FEM1B: variants seen among roughly 807,000 people sequenced by gnomAD.
The protein encoded by FEM1B is fem-1 homolog B.
In FEM1B, 10 loss-of-function variants were observed where a neutral mutation model predicts 38.6. That is an observed-to-expected ratio of 0.26 (90% confidence interval 0.16 to 0.44). The LOEUF (loss-of-function observed/expected upper bound fraction) is 0.44, where lower values mean the gene tolerates loss of function less well. Ranked by LOEUF, FEM1B falls within the 20% of genes least tolerant of loss-of-function variation. FEM1B has a pLI of 1.00. For missense variants in FEM1B, 471 were observed against 786.7 expected, an observed-to-expected ratio of 0.60 and a Z score of 4.80; for synonymous variants, 288 against 288.0, an observed-to-expected ratio of 1.00 and a Z score of 0.00.
At chr15:68,287,039 C>T (rs1029752145) in intron 1 of FEM1B, among the ~76,000 whole-genome samples, 15 of 152,154 alleles carry the variant, frequency 9.9e-5, no homozygotes, top group Admixed American at 2.0e-4. Flanking sequence ...AAGCATGTGC[C>T]ACCACCACTC....
rs555227182 is a variant in FEM1B at position 68,289,013 on chromosome 15, CTTCTT to C, written c.249-589_249-585del. ...TATAATATGTGCTGTGTTCATCTGA[CTTCTT>C]TTCTCAGCATCAGGTTTATGTTATC... On this transcript the variant is annotated intron_variant, in intron 1 of 1. Transcript: ENST00000306917. This position sits in a 1 kb window ranked among gnomAD's most constrained non-coding sequence, Gnocchi z 6.9. Among the ~76,000 whole-genome samples the C allele has an allele frequency of 2.6e-4, 39 of 152,166 alleles. No individual in the cohort carries two copies. Among genetic ancestry groups the C allele is most frequent in the Non-Finnish European group, 4.8e-4 (33 of 68,044 alleles).
chr15:68,279,371 G>T (rs941968013), intron 1 of FEM1B, among the ~76,000 whole-genome samples: 2 of 152,172 alleles, frequency 1.3e-5, no homozygotes, highest in African/African-American at 4.8e-5. Flanking sequence ...AGTTGAGGTG[G>T]GAAGTTTAAA....
In FEM1B at chr15:68,291,192, T is replaced by C. The variant is rs939966174; in HGVS notation, c.1834T>C (p.Tyr612His). Residue 612 changes from tyrosine (Y) to histidine (H), a missense_variant, in exon 2 of 2, where the codon TAC (tyrosine) becomes CAC (histidine). Physicochemically the swap from Tyr to His is moderately conservative, Grantham distance 83. Transcript: ENST00000306917. The surrounding 1 kb of genome is among the most constrained non-coding windows in gnomAD (Gnocchi z 6.9). ...AGCAGTTCGGGCTAATGACATTAACTACCAAGACCAGATCCCCAGAACTCT... is the reference window on the plus strand; with the variant it reads ...AGCAGTTCGGGCTAATGACATTAACCACCAAGACCAGATCCCCAGAACTCT... ...ARAVRANDIN[Y>H]QDQIPRTLEE... The C allele has an allele frequency of 6.2e-7, 1 of 1,612,396 alleles. No homozygotes were observed. The highest frequency in any genetic ancestry group is 8.5e-7 in the Non-Finnish European group (1 of 1,179,440).
intron 1 of FEM1B, among the ~76,000 whole-genome samples, chr15:68,279,007 A>G (rs1892698796): frequency 6.6e-6 from 1 of 152,170 alleles, no homozygotes; most frequent in South Asian, 2.1e-4. Context: ...TTTTAGTGGA[A>G]CTGGTGATGT....
rs1892844655 is a variant in FEM1B, at chr15:68,291,265, T to C, written c.*23T>C. ...TAAGTGACTGGATATGTAAAGTCGTTTAATGTGGTGCTAAAAAGTAAAGGA... is the reference window on the plus strand; with the variant it reads ...TAAGTGACTGGATATGTAAAGTCGTCTAATGTGGTGCTAAAAAGTAAAGGA... On this transcript the variant is annotated 3_prime_UTR_variant, in exon 2 of 2. Coordinates refer to ENST00000306917, the MANE Select transcript of FEM1B (RefSeq NM_015322.5). This position sits in a 1 kb window ranked among gnomAD's most constrained non-coding sequence, Gnocchi z 6.9. 1 of 1,526,460 alleles carries C rather than the reference T, an allele frequency of 6.6e-7. No homozygotes were observed. The highest frequency in any genetic ancestry group is 1.4e-5 in the African/African-American group (1 of 71,912). The allele number at this position is 1,526,460 out of a possible 1,614,324, so 94.6% of individuals were successfully genotyped here. A position where few individuals can be genotyped will look rare whatever the true frequency, so the allele number is the denominator to read the frequency against.
rs954125066 is a variant in FEM1B at position 68,285,031 on chromosome 15, T to G, written c.249-4576T>G. Reference sequence around the variant, plus strand: ...AAGTTGCCCAGTTTCGGGTATGCCTTTATCAGCAGCGTGAAAATGGACTAA... The same window carrying G: ...AAGTTGCCCAGTTTCGGGTATGCCTGTATCAGCAGCGTGAAAATGGACTAA... On this transcript the variant is annotated intron_variant, in intron 1 of 1. Transcript: ENST00000306917. Among the ~76,000 whole-genome samples the G allele has an allele frequency of 2.6e-5, 4 of 152,342 alleles. No homozygotes were observed. In the East Asian group the frequency reaches 7.7e-4, roughly 29 times the overall value.
intron 1 of FEM1B, among the ~76,000 whole-genome samples, chr15:68,279,330 A>C (rs1892702440): frequency 6.6e-6 from 1 of 152,162 alleles, no homozygotes; most frequent in Non-Finnish European, 1.5e-5. Context: ...TTATCCCGTG[A>C]TGTTGTGGGG....
chr15:68,290,352 C>T lies in FEM1B; in HGVS notation c.994C>T (p.Arg332Trp), dbSNP rs1178247567. The change falls in exon 2 of 2, where the codon CGG becomes TGG. Residue 332 changes from arginine (R) to tryptophan (W), a missense_variant. By Grantham distance (101) the Arg-to-Trp change is moderately radical. This residue lies in a region of FEM1B where 380 missense variants were observed against 599.6 expected (regional missense o/e 0.63). Transcript: ENST00000306917. This position sits in a 1 kb window ranked among gnomAD's most constrained non-coding sequence, Gnocchi z 9.7. ...DALHMEGLIV[R>W]ERILGADNID... is the part of the protein sequence containing the mutation. ...TCTTCATATGGAAGGCCTTATAGTT[C>T]GGGAACGGATTTTAGGTGCTGACAA... 7 of 1,614,100 alleles carry T rather than the reference C, an allele frequency of 4.3e-6. No individual in the cohort carries two copies. Among genetic ancestry groups the T allele is most frequent in the East Asian group, 2.2e-5 (1 of 44,888 alleles).
chr15:68,283,615 C>G (rs964317823), intron 1 of FEM1B, among the ~76,000 whole-genome samples: 5 of 151,312 alleles, frequency 3.3e-5, no homozygotes, highest in Non-Finnish European at 7.4e-5. Context: ...GTGCCACTGC[C>G]ATGAGCAGTG....
In FEM1B at chr15:68,292,917, T is replaced by C. The variant is rs1892862851; in HGVS notation, c.*1675T>C. On this transcript the variant is annotated 3_prime_UTR_variant, in exon 2 of 2. Coordinates refer to ENST00000306917, the MANE Select transcript of FEM1B (RefSeq NM_015322.5). ...CAAGGATGCAAGATACTTTTTACAG[T>C]TGCTATCATTATACTTTGTCTTCTT... is the stretch of plus-strand genomic sequence containing the variant. 6.6e-6 allele frequency: 1 copy of C among 152,166 alleles called. No homozygotes were observed. Among genetic ancestry groups the C allele is most frequent in the Non-Finnish European group, 1.5e-5 (1 of 68,006 alleles). The allele number at this position is 152,166 out of a possible 1,614,324, so 9.4% of individuals were successfully genotyped here.
In FEM1B at chr15:68,290,576, C is replaced by T. The variant is rs1169268840; in HGVS notation, c.1218C>T (p.Asp406=). ...TGAATGAAACTGTGAAGGCCCCAGA[C>T]ATAGAATGTGTTTTGAGATGCAGTG... The part of the protein sequence containing the change: ...IHLNETVKAP[D]IECVLRCSVL... Residue 406 remains aspartate, a synonymous_variant, in exon 2 of 2, where the codon GAC becomes GAT. Coordinates refer to ENST00000306917, the MANE Select transcript of FEM1B (RefSeq NM_015322.5). This position sits in a 1 kb window ranked among gnomAD's most constrained non-coding sequence, Gnocchi z 9.7. The T allele has an allele frequency of 6.2e-7, 1 of 1,614,152 alleles. No individual in the cohort carries two copies. Among genetic ancestry groups the T allele is most frequent in the Admixed American group, 1.7e-5 (1 of 60,008 alleles).
In FEM1B at chr15:68,291,110, A is replaced by T; in HGVS notation, c.1752A>T (p.Val584=). The change falls in exon 2 of 2, where the codon GTA becomes GTT. Residue 584 remains valine (V), a synonymous_variant. Transcript: ENST00000306917. This position sits in a 1 kb window ranked among gnomAD's most constrained non-coding sequence, Gnocchi z 6.9. ...CGCTAGACAAAAGTACAACTGGGGTATCTGAAATACTGCTTAAAACTCAAA... is the reference window on the plus strand; with the variant it reads ...CGCTAGACAAAAGTACAACTGGGGTTTCTGAAATACTGCTTAAAACTCAAA... ...KTPLDKSTTG[V]SEILLKTQMK... 1.2e-6 allele frequency: 2 copies of T among 1,614,168 alleles called. No individual in the cohort carries two copies. The highest frequency in any genetic ancestry group is 8.5e-7 in the Non-Finnish European group (1 of 1,179,998).
At position 68,281,630 on chromosome 15, in the gene FEM1B, T is replaced by A. The variant is rs1468755518; in HGVS notation, c.248+2965T>A. 6.6e-6 allele frequency among the ~76,000 whole-genome samples: 1 copy of A among 152,192 alleles called. No individual in the cohort carries two copies. The highest frequency in any genetic ancestry group is 6.5e-5 in the Admixed American group (1 of 15,286). ...ATATTTGAGTTCTTGTTCACTTTTT[T>A]TTTTTGAGACGGAGTCTCGCTCTGT... On this transcript the variant is annotated intron_variant, in intron 1 of 1. Coordinates refer to ENST00000306917, the MANE Select transcript of FEM1B (RefSeq NM_015322.5). This position sits in a 1 kb window ranked among gnomAD's most constrained non-coding sequence, Gnocchi z 5.1.
At position 68,292,367 on chromosome 15, in the gene FEM1B, A is replaced by T. The variant is rs77020709; in HGVS notation, c.*1125A>T. 1 of 152,284 alleles carries T rather than the reference A, an allele frequency of 6.6e-6. No homozygotes were observed. Among genetic ancestry groups the T allele is most frequent in the Non-Finnish European group, 1.5e-5 (1 of 67,994 alleles). 9.4% of individuals were successfully genotyped at this position (152,284 alleles called of 1,614,324 possible). A position where few individuals can be genotyped will look rare whatever the true frequency, so the allele number is the denominator to read the frequency against. ...TGAGAGCTGCAAATTTTTCAACCAC[A>T]AAATGTCACTTATTCCTACAGGCTA... is the stretch of plus-strand genomic sequence containing the variant. On this transcript the variant is annotated 3_prime_UTR_variant, in exon 2 of 2. Transcript: ENST00000306917.
At position 68,292,014 on chromosome 15, in the gene FEM1B, T is replaced by G. The variant is rs2140246660; in HGVS notation, c.*772T>G. 1 of 152,330 alleles carries G rather than the reference T, an allele frequency of 6.6e-6. No homozygotes were observed. The highest frequency in any genetic ancestry group is 3.4e-3 in the Middle Eastern group (1 of 294). 9.4% of individuals were successfully genotyped at this position (152,330 alleles called of 1,614,324 possible). On this transcript the variant is annotated 3_prime_UTR_variant, in exon 2 of 2. Transcript: ENST00000306917. Reference sequence around the variant, plus strand: ...TCTAAATTGCAGCAGTCTATTTGATTCAGCTCATAGACATGTAAAAATTAT... The same window carrying G: ...TCTAAATTGCAGCAGTCTATTTGATGCAGCTCATAGACATGTAAAAATTAT...
At position 68,294,934 on chromosome 15, in the gene FEM1B, G is replaced by A. The variant is rs748584893; in HGVS notation, c.*3692G>A. 6.6e-6 allele frequency: 1 copy of A among 152,178 alleles called. No individual in the cohort carries two copies. The highest frequency in any genetic ancestry group is 1.5e-5 in the Non-Finnish European group (1 of 68,014). 9.4% of individuals were successfully genotyped at this position (152,178 alleles called of 1,614,324 possible). The stretch of plus-strand genomic sequence containing the variant: ...GAAAATGCATAGCTTTGTTCTGGAT[G>A]TCATCTCTTGAAAGTAGAAAACTCC... On this transcript the variant is annotated 3_prime_UTR_variant, in exon 2 of 2. Transcript: ENST00000306917. This position sits in a 1 kb window ranked among gnomAD's most constrained non-coding sequence, Gnocchi z 4.4.
At chr15:68,286,589 T>A (rs1428730511) in intron 1 of FEM1B, among the ~76,000 whole-genome samples, 2 of 152,106 alleles carry the variant, frequency 1.3e-5, no homozygotes, top group Non-Finnish European at 2.9e-5. Flanking sequence ...CATTATAGAG[T>A]CTTCTGGATC....
At position 68,295,574 on chromosome 15, in the gene FEM1B, A is replaced by G. The variant is rs1406627455; in HGVS notation, c.*4332A>G. 1.3e-5 allele frequency: 2 copies of G among 152,210 alleles called. No homozygotes were observed. Among genetic ancestry groups the G allele is most frequent in the African/African-American group, 4.8e-5 (2 of 41,462 alleles). The allele number at this position is 152,210 out of a possible 1,614,324, so 9.4% of individuals were successfully genotyped here. On this transcript the variant is annotated 3_prime_UTR_variant, in exon 2 of 2. Coordinates refer to ENST00000306917, the MANE Select transcript of FEM1B (RefSeq NM_015322.5). Reference sequence around the variant, plus strand: ...CCGTGCAGAGGAACTACACTGTTGTATTCTAGTAATTCACTGTGATTTATA... The same window carrying G: ...CCGTGCAGAGGAACTACACTGTTGTGTTCTAGTAATTCACTGTGATTTATA...
At position 68,290,912 on chromosome 15, in the gene FEM1B, G is replaced by C. The variant is rs901608331; in HGVS notation, c.1554G>C (p.Leu518=). ...SFPNALVTKL[L]LDCGAEVNAV... is the part of the protein sequence containing the mutation. ...CAAATGCACTTGTCACAAAGCTCCT[G>C]CTGGACTGTGGTGCTGAGGTGAATG... Residue 518 remains leucine (L), a synonymous_variant, in exon 2 of 2, where the codon CTG becomes CTC. Coordinates refer to ENST00000306917, the MANE Select transcript of FEM1B (RefSeq NM_015322.5). This position sits in a 1 kb window ranked among gnomAD's most constrained non-coding sequence, Gnocchi z 9.7. 5 of 1,614,144 alleles carry C rather than the reference G, an allele frequency of 3.1e-6. No homozygotes were observed. Among genetic ancestry groups the C allele is most frequent in the Non-Finnish European group, 4.2e-6 (5 of 1,180,018 alleles).
Sources: gnomAD v4.1 joint callset for allele counts (sites outside exome capture counted in the v4.1 genomes callset) on GRCh38, gnomAD v4.1.1 for gene constraint, gnomAD v4.1.1 regional missense constraint, Gnocchi (gnomAD v3.1) non-coding constraint, MANE v1.5 for transcripts, NCBI Gene and HGNC (gene_info 2026-07-23, HGNC 2026-07-21) for gene names.